Variants in SPEF2 observed in about 807,000 individuals in gnomAD.
SPEF2 encodes sperm flagella and cilia-associated protein 2.
A neutral mutation model predicts 224.6 loss-of-function variants in SPEF2; 187 were observed. That is an observed-to-expected ratio of 0.83 (90% CI 0.74 to 0.94). The LOEUF (loss-of-function observed/expected upper bound fraction) is 0.94, where lower values mean the gene tolerates loss of function less well. Among genes scored for constraint, SPEF2 ranks in the 40% least tolerant of loss-of-function variants. SPEF2 has a pLI of 0.00. For synonymous variants in SPEF2, 715 were observed against 707.3 expected, an observed-to-expected ratio of 1.01 and a Z score of -0.17; for missense variants, 2,170 against 2,135.6, an observed-to-expected ratio of 1.02 and a Z score of -0.32.
At chr5:35,699,786 CA>C (rs1408603283) in intron 15 of SPEF2, 2 of 152,092 alleles carry the variant, frequency 1.3e-5, no homozygotes, top group East Asian at 3.8e-4. Context: ...ATAGAAAATG[CA>C]GTTCATACTC....
At chr5:35,676,677 C>T (rs2149493743) in intron 10 of SPEF2, among the ~76,000 whole-genome samples, 1 of 151,952 alleles carries the variant, frequency 6.6e-6, no homozygotes, top group Non-Finnish European at 1.5e-5. Context: ...TTCAGTGAGC[C>T]AAGATCGTGC....
chr5:35,702,900 G>C (rs921204897), intron 16 of SPEF2, among the ~76,000 whole-genome samples: 1 of 152,008 alleles, frequency 6.6e-6, no homozygotes, highest in African/African-American at 2.4e-5. Flanking sequence ...CCAAAATAAG[G>C]ACTGAAATGT....
chr5:35,714,359 A>G (rs2149609282), intron 20 of SPEF2, among the ~76,000 whole-genome samples: 1 of 151,798 alleles, frequency 6.6e-6, no homozygotes, highest in South Asian at 2.1e-4. Context: ...GTTCCCTGGA[A>G]AATTTATGTC....
At chr5:35,736,137 C>A (rs112563609) in intron 21 of SPEF2, among the ~76,000 whole-genome samples, 3 of 152,288 alleles carry the variant, frequency 2.0e-5, no homozygotes, top group Admixed American at 6.5e-5. Flanking sequence ...ACCAACAATG[C>A]GGTCCATCCT....
chr5:35,641,334 A>T, intron 2 of SPEF2, 97 bp from the exon 3 acceptor site: 1 of 1,358,704 alleles, frequency 7.4e-7, no homozygotes, highest in Non-Finnish European at 1.0e-6. Context: ...GACATGAAAT[A>T]ATTCAAAATA....
rs761573230 is a variant in SPEF2 at position 35,644,513 on chromosome 5, T to G, written c.573T>G (p.Phe191Leu). The change falls in exon 4 of 37, where the codon TTT (phenylalanine) becomes TTG (leucine). Residue 191 changes from phenylalanine (F) to leucine (L), a missense_variant. By Grantham distance (22) the Phe-to-Leu change is conservative (BLOSUM62 0). Coordinates refer to ENST00000356031, the MANE Select transcript of SPEF2 (RefSeq NM_024867.4). ...FQKLKEEQRC[F>L]DIEKQYLNRR... ...AACTCAAGGAAGAGCAAAGATGTTT[T>G]GATATTGAAAAGGTTCTATAGAACT... is the stretch of plus-strand genomic sequence containing the variant. 1 of 1,600,602 alleles carries G rather than the reference T, an allele frequency of 6.2e-7. No homozygotes were observed. The highest frequency in any genetic ancestry group is 8.5e-7 in the Non-Finnish European group (1 of 1,175,980).
chr5:35,692,471 C>A, intron 11 of SPEF2, 99 bp from the exon 12 acceptor site: 1 of 834,502 alleles, frequency 1.2e-6, no homozygotes, highest in Non-Finnish European at 1.9e-6. Flanking sequence ...TTCTAGCGGG[C>A]CTGAAAGACA....
At chr5:35,701,140 T>A (rs1432839997) in intron 16 of SPEF2, among the ~76,000 whole-genome samples, 1 of 152,204 alleles carries the variant, frequency 6.6e-6, no homozygotes, top group Non-Finnish European at 1.5e-5. Context: ...TCTGATAACA[T>A]CCTTTTCTTG....
At chr5:35,806,676 A>G in intron 34 of SPEF2, 31 bp from the exon 35 acceptor site, 1 of 1,583,444 alleles carries the variant, frequency 6.3e-7, no homozygotes, top group Non-Finnish European at 8.6e-7. Context: ...ACTTCAGTTT[A>G]ACTTCATGTT....
In SPEF2 at chr5:35,771,537, A is replaced by G. The variant is rs955934720; in HGVS notation, c.3802-72A>G. On this transcript the variant is annotated intron_variant, in intron 26 of 36. Transcript: ENST00000356031. ...ATTAAGGTTTCAACAGAATTTAGTA[A>G]TGACTACATCCAAATGGTTGCCATA... The G allele has an allele frequency of 1.2e-5, 18 of 1,538,422 alleles. No homozygotes were observed. The Admixed American group carries it at 3.1e-4, about 27-fold the overall frequency.
At position 35,695,115 on chromosome 5, in the gene SPEF2, T is replaced by C. The variant is rs116199145; in HGVS notation, c.1976-620T>C. 9.0e-3 allele frequency among the ~76,000 whole-genome samples: 1,367 copies of C among 152,308 alleles called. 15 individuals carry two copies. The highest frequency in any genetic ancestry group is 0.032 in the African/African-American group (1,330 of 41,578). Reference sequence around the variant, plus strand: ...CACTCCAGAGAGGTTGGACTTGCCTTTCTTAAGAGGACACTATCTGTCCCT... The same window carrying C: ...CACTCCAGAGAGGTTGGACTTGCCTCTCTTAAGAGGACACTATCTGTCCCT... On this transcript the variant is annotated intron_variant, in intron 13 of 36. Coordinates refer to ENST00000356031, the MANE Select transcript of SPEF2 (RefSeq NM_024867.4).
chr5:35,702,561 A>G (rs1390953297), intron 16 of SPEF2, among the ~76,000 whole-genome samples: 1 of 152,200 alleles, frequency 6.6e-6, no homozygotes, highest in African/African-American at 2.4e-5. Context: ...GAAAAAGAAC[A>G]GGAAGGGGCT....
chr5:35,744,691 T>C (rs1748197986), intron 23 of SPEF2, among the ~76,000 whole-genome samples: 1 of 151,964 alleles, frequency 6.6e-6, no homozygotes, highest in South Asian at 2.1e-4. Flanking sequence ...GGTGGAGGCC[T>C]CAGTGAGCCA....
chr5:35,694,607 C>T (rs947857342), intron 13 of SPEF2, among the ~76,000 whole-genome samples: 3 of 152,182 alleles, frequency 2.0e-5, no homozygotes, highest in African/African-American at 7.2e-5. Context: ...GTTTTGCTGC[C>T]ATTATGAAAG....
At chr5:35,716,878 C>T (rs1561252823) in intron 20 of SPEF2, among the ~76,000 whole-genome samples, 1 of 151,970 alleles carries the variant, frequency 6.6e-6, no homozygotes, top group Non-Finnish European at 1.5e-5. Flanking sequence ...TTATTAATTC[C>T]TGCTGTCGAT....
At chr5:35,789,722 G>A (rs1384232415) in intron 30 of SPEF2, 1 of 673,762 alleles carries the variant, frequency 1.5e-6, no homozygotes, top group Admixed American at 2.3e-5. Context: ...TATATGTGCT[G>A]ACTTTGAACC....
At chr5:35,770,613 T>G (rs1255583293) in intron 26 of SPEF2, among the ~76,000 whole-genome samples, 1 of 151,900 alleles carries the variant, frequency 6.6e-6, no homozygotes, top group Non-Finnish European at 1.5e-5. Context: ...ATGCAGTATT[T>G]GCCTTTCTGT....
At position 35,695,764 on chromosome 5, in the gene SPEF2, G is replaced by A. The variant is rs763203415; in HGVS notation, c.2005G>A (p.Glu669Lys). Residue 669 changes from glutamate to lysine, a missense_variant, in exon 14 of 37, where the codon GAA (glutamate) becomes AAA (lysine). By Grantham distance (56) the Glu-to-Lys change is moderately conservative (BLOSUM62 1). Transcript: ENST00000356031. ...TAATGCTGATAAAACACCAAAAGCT[G>A]AAGAAGTCAAATCAAGTGATAGTTT... ...SANADKTPKA[E>K]EVKSSDSFLK... The A allele has an allele frequency of 1.9e-6, 3 of 1,610,338 alleles. No homozygotes were observed. In the Admixed American group the frequency reaches 5.0e-5, roughly 27 times the overall value.
intron 23 of SPEF2, among the ~76,000 whole-genome samples, chr5:35,745,074 C>T (rs1748270579): frequency 6.6e-6 from 1 of 152,188 alleles, no homozygotes; most frequent in African/African-American, 2.4e-5. Flanking sequence ...TATATTCTAA[C>T]TAACAGAAGA....
Sources: allele counts gnomAD v4.1 joint callset (sites outside exome capture counted in the v4.1 genomes callset), GRCh38; gene constraint gnomAD v4.1.1; transcripts MANE v1.5; gene names NCBI Gene and HGNC (gene_info 2026-07-23, HGNC 2026-07-21).